The following DISP3 variants were observed in gnomAD, a reference collection of about 807,000 sequenced individuals.
DISP3 encodes dispatched RND transporter family member 3.
In DISP3, 101 loss-of-function variants were observed where a neutral mutation model predicts 135.3. The observed-to-expected ratio is 0.75, with a 90% CI of 0.64 to 0.88. DISP3 has a LOEUF of 0.88. Ranked by LOEUF, DISP3 falls within the 40% of genes least tolerant of loss-of-function variation. DISP3 has a pLI of 0.00. For synonymous variants in DISP3, 856 were observed against 817.0 expected, an observed-to-expected ratio of 1.05 and a Z score of -0.81; for missense variants, 1,713 against 1,878.6, an observed-to-expected ratio of 0.91 and a Z score of 1.63.
chr1:11,522,162 G>A (rs956933287), intron 10 of DISP3, among the ~76,000 whole-genome samples: 14 of 152,160 alleles, frequency 9.2e-5, no homozygotes, highest in African/African-American at 2.4e-4. Context: ...GGGAGCAGGC[G>A]AAGTCAACCC....
intron 3 of DISP3, among the ~76,000 whole-genome samples, chr1:11,511,012 G>C (rs901848391): frequency 2.0e-5 from 3 of 152,154 alleles, no homozygotes; most frequent in African/African-American, 7.2e-5. Flanking sequence ...TATCTCATGA[G>C]ACTTATTCAC....
In DISP3 at chr1:11,520,659, C is replaced by T. The variant is rs773736441; in HGVS notation, c.2201-28C>T. The T allele has an allele frequency of 1.1e-5, 17 of 1,605,702 alleles. No individual in the cohort carries two copies. Among genetic ancestry groups the T allele is most frequent in the African/African-American group, 8.0e-5 (6 of 74,792 alleles). ...GGAACAGACCAGCTGGGCCCAGCCC[C>T]GCCTGGTGTAGCGCCCTTTCCTCAC... On this transcript the variant is annotated intron_variant, in intron 9 of 20. Transcript: ENST00000294484. The surrounding 1 kb of genome is among the most constrained non-coding windows in gnomAD (Gnocchi z 4.8).
rs757441759 is a variant in DISP3, at chr1:11,534,888, G to A, written c.3536-123G>A. ...AAACAAGGCCGGTAGGGTAGGTCCT[G>A]TTATGACCCCATTTTACAGACTGGG... On this transcript the variant is annotated intron_variant, in intron 18 of 20. Transcript: ENST00000294484. 93 of 945,718 alleles carry A rather than the reference G, an allele frequency of 9.8e-5. No individual in the cohort carries two copies. In the African/African-American group the frequency reaches 1.3e-3, roughly 13 times the overall value. The allele number at this position is 945,718 out of a possible 1,614,324, so 58.6% of individuals were successfully genotyped here.
At chr1:11,515,899 G>A (rs1292838048) in intron 5 of DISP3, 102 bp from the exon 6 acceptor site, 7 of 1,355,338 alleles carry the variant, frequency 5.2e-6, no homozygotes, top group Non-Finnish European at 6.1e-6. Flanking sequence ...CCTGCAGCCT[G>A]ACCTCCCAGG....
intron 10 of DISP3, 125 bp from the exon 11 acceptor site, chr1:11,523,817 C>A: frequency 1.5e-6 from 1 of 655,968 alleles, no homozygotes; most frequent in Non-Finnish European, 2.6e-6. Flanking sequence ...TGACACCCAC[C>A]CCCTCCAGTC....
chr1:11,502,216 G>A, intron 2 of DISP3, 128 bp downstream of exon 2: 1 of 1,377,540 alleles, frequency 7.3e-7, no homozygotes, highest in Non-Finnish European at 9.6e-7. Flanking sequence ...TCCTGGGCAT[G>A]GCCGGAGGGC....
Position 11,514,503 on chromosome 1 carries a change from T to C in DISP3, c.1430T>C (p.Val477Ala). The change falls in exon 4 of 21, where the codon GTC (valine) becomes GCC (alanine). Residue 477 changes from valine to alanine, a missense_variant. Around this residue, in one of 2 missense-constraint regions of DISP3, gnomAD observed 1,142 missense variants for 1,384.6 expected, o/e 0.82. Transcript: ENST00000294484. ...AGCAGCAGCTGCATTGCTGCCCTGG[T>C]CTACATCCTCACCTCCTGCTCAGGT... is the stretch of plus-strand genomic sequence containing the variant. Reference protein sequence around the residue: ...FISSSCIAALVYILTSCSVFL... With the variant: ...FISSSCIAALAYILTSCSVFL... 6.2e-7 allele frequency: 1 copy of C among 1,614,106 alleles called. No homozygotes were observed. The highest frequency in any genetic ancestry group is 8.5e-7 in the Non-Finnish European group (1 of 1,179,980).
At chr1:11,484,609 C>T (rs915656458) in intron 1 of DISP3, among the ~76,000 whole-genome samples, 1 of 152,200 alleles carries the variant, frequency 6.6e-6, no homozygotes, top group African/African-American at 2.4e-5. Context: ...CTGCAGAACT[C>T]CCGGCATGCC....
At chr1:11,486,220 C>T (rs918559754) in intron 1 of DISP3, among the ~76,000 whole-genome samples, 1 of 152,116 alleles carries the variant, frequency 6.6e-6, no homozygotes. Flanking sequence ...TGGACATGAT[C>T]GTGTGTGGGG....
Position 11,501,994 on chromosome 1 carries a change from GC to G in DISP3, c.1008del (p.Ser337AlafsTer4), listed in dbSNP as rs1254844982. 6.2e-7 allele frequency: 1 copy of G among 1,613,628 alleles called. No homozygotes were observed. Among genetic ancestry groups the G allele is most frequent in the Non-Finnish European group, 8.5e-7 (1 of 1,179,862 alleles). ...LPLGSYSYCS[P>X]PSSLMTYFFP... The stretch of plus-strand genomic sequence containing the variant: ...CGCTGGGCTCCTACTCCTACTGCTC[GC>G]CCCCCAGCTCGCTCATGACCTACTT... On this transcript the variant is annotated frameshift_variant, in exon 2 of 21. Coordinates refer to ENST00000294484, the MANE Select transcript of DISP3 (RefSeq NM_020780.2). LOFTEE classifies it high-confidence loss of function. The surrounding 1 kb of genome is among the most constrained non-coding windows in gnomAD (Gnocchi z 4.9).
chr1:11,517,314 C>G (rs1642039493), intron 6 of DISP3, 149 bp from the exon 7 acceptor site: 1 of 1,027,356 alleles, frequency 9.7e-7, no homozygotes. Flanking sequence ...GAGGCTAGTG[C>G]CTGGCATTCT....
chr1:11,524,223 C>G (rs1642341907), intron 11 of DISP3, among the ~76,000 whole-genome samples, 168 bp downstream of exon 11: 1 of 152,038 alleles, frequency 6.6e-6, no homozygotes, highest in African/African-American at 2.4e-5. Context: ...GGGCCCTCAC[C>G]TCCCATCCCG....
Position 11,526,697 on chromosome 1 carries a change from G to A in DISP3, c.2660G>A (p.Cys887Tyr), listed in dbSNP as rs750542189. The A allele has an allele frequency of 1.9e-6, 3 of 1,614,164 alleles. No individual in the cohort carries two copies. The highest frequency in any genetic ancestry group is 2.5e-6 in the Non-Finnish European group (3 of 1,180,032). Reference sequence around the variant, plus strand: ...AACTTCACCAAGAAGCTGACCGCTTGTATGTCTACAGTAGGGCTGCTCCAG... The same window carrying A: ...AACTTCACCAAGAAGCTGACCGCTTATATGTCTACAGTAGGGCTGCTCCAG... Reference protein sequence around the residue: ...FGNFTKKLTACMSTVGLLQAA... With the variant: ...FGNFTKKLTAYMSTVGLLQAA... The change falls in exon 13 of 21, where the codon TGT becomes TAT. Residue 887 changes from cysteine (C) to tyrosine (Y), a missense_variant. Cys to Tyr is a radical substitution (Grantham distance 194, BLOSUM62 -2). Coordinates refer to ENST00000294484, the MANE Select transcript of DISP3 (RefSeq NM_020780.2).
Position 11,534,589 on chromosome 1 carries a change from G to A in DISP3, c.3535+49G>A, listed in dbSNP as rs760921792. ...ATCCTGGGTGGGCAGGAGGCAGAGGGACCTGGGGCCGGGAGGGCACAGAGC... is the reference window on the plus strand; with the variant it reads ...ATCCTGGGTGGGCAGGAGGCAGAGGAACCTGGGGCCGGGAGGGCACAGAGC... On this transcript the variant is annotated intron_variant, in intron 18 of 20. Transcript: ENST00000294484. 12 of 1,563,136 alleles carry A rather than the reference G, an allele frequency of 7.7e-6. No individual in the cohort carries two copies. In the South Asian group the frequency reaches 1.4e-4, roughly 18 times the overall value.
In DISP3 at chr1:11,520,984, A is replaced by G. The variant is rs1176254614; in HGVS notation, c.2362+136A>G. Reference sequence around the variant, plus strand: ...AAATCCCACTCCCCTCTGAGCCCCCATGTTCCCACAGTTCATTCAACAGAT... The same window carrying G: ...AAATCCCACTCCCCTCTGAGCCCCCGTGTTCCCACAGTTCATTCAACAGAT... On this transcript the variant is annotated intron_variant, in intron 10 of 20. Transcript: ENST00000294484. The surrounding 1 kb of genome is among the most constrained non-coding windows in gnomAD (Gnocchi z 4.8). 1.6e-5 allele frequency: 18 copies of G among 1,098,064 alleles called. No homozygotes were observed. Among genetic ancestry groups the G allele is most frequent in the Non-Finnish European group, 2.0e-5 (16 of 790,818 alleles). 68.0% of individuals were successfully genotyped at this position (1,098,064 alleles called of 1,614,324 possible).
At chr1:11,495,360 C>T (rs1641303604) in intron 1 of DISP3, among the ~76,000 whole-genome samples, 2 of 152,172 alleles carry the variant, frequency 1.3e-5, no homozygotes, top group South Asian at 4.2e-4. Context: ...CATTGCACTC[C>T]AGCCTGGGTG....
In DISP3 at chr1:11,534,598, C is replaced by A. The variant is rs1642658890; in HGVS notation, c.3535+58C>A. 9 of 1,553,820 alleles carry A rather than the reference C, an allele frequency of 5.8e-6. No homozygotes were observed. The South Asian group carries it at 8.7e-5, about 15-fold the overall frequency. On this transcript the variant is annotated intron_variant, in intron 18 of 20. Coordinates refer to ENST00000294484, the MANE Select transcript of DISP3 (RefSeq NM_020780.2). ...GGGCAGGAGGCAGAGGGACCTGGGG[C>A]CGGGAGGGCACAGAGCGGCCTGAGT...
Position 11,529,713 on chromosome 1 carries a change from C to T in DISP3, c.2929+27C>T, listed in dbSNP as rs1557621351. 1 of 1,600,738 alleles carries T rather than the reference C, an allele frequency of 6.2e-7. No individual in the cohort carries two copies. The highest frequency in any genetic ancestry group is 1.1e-5 in the South Asian group (1 of 90,556). On this transcript the variant is annotated intron_variant, in intron 14 of 20. Coordinates refer to ENST00000294484, the MANE Select transcript of DISP3 (RefSeq NM_020780.2). The surrounding 1 kb of genome is among the most constrained non-coding windows in gnomAD (Gnocchi z 4.7). ...TACGGCAAGGGCACACAGGTGGGGA[C>T]CTCAAGAGCTGAGACCTCGGGGCTC...
At chr1:11,535,947 CCACGACCCAGA>C (rs926773924) in intron 20 of DISP3, among the ~76,000 whole-genome samples, 9 of 152,170 alleles carry the variant, frequency 5.9e-5, no homozygotes, top group African/African-American at 2.2e-4. Context: ...CTCCTTCCAG[CCACGACCCAGA>C]GGCCACAAGT....
Sources: allele counts gnomAD v4.1 joint callset (sites outside exome capture counted in the v4.1 genomes callset), GRCh38; gene constraint gnomAD v4.1.1; regional missense constraint gnomAD v4.1.1; non-coding constraint Gnocchi (gnomAD v3.1); transcripts MANE v1.5; gene names NCBI Gene and HGNC (gene_info 2026-07-23, HGNC 2026-07-21).